ALG13: variants seen among roughly 807,000 people sequenced by gnomAD.
The protein encoded by ALG13 is UDP-N-acetylglucosamine transferase subunit ALG13.
A neutral mutation model predicts 87.8 loss-of-function variants in ALG13; 11 were observed. The observed-to-expected ratio is 0.13, with a 90% CI of 0.08 to 0.21. The LOEUF (loss-of-function observed/expected upper bound fraction) is 0.21, where lower values mean the gene tolerates loss of function less well. Ranked by LOEUF, ALG13 falls within the 10% of genes least tolerant of loss-of-function variation. The pLI is 1.00. For synonymous variants in ALG13, 320 were observed against 306.3 expected (o/e 1.04, Z -0.47); for missense variants, 756 against 866.1 (o/e 0.87, Z 1.60).
chrX:111,746,702 G>A (rs1255244146), intron 24 of ALG13, among the ~76,000 whole-genome samples: 1 of 112,050 alleles, frequency 8.9e-6, no homozygotes, highest in Non-Finnish European at 1.9e-5. Context: ...CAAATACCTA[G>A]CAGTGGAATT....
intron 23 of ALG13, among the ~76,000 whole-genome samples, chrX:111,741,701 T>G (rs2148375685): frequency 9.1e-6 from 1 of 109,737 alleles, no homozygotes. Context: ...TAATCCCAGC[T>G]ACTCTGGAGG....
At position 111,760,212 on chromosome X, in the gene ALG13, A is replaced by G. The variant is rs1487360888; in HGVS notation, c.*213A>G. ...CTAAGGAAATTGAGATGGATGTACAACTAGCCCCATATTGAGCATACTTCA... is the reference window on the plus strand; with the variant it reads ...CTAAGGAAATTGAGATGGATGTACAGCTAGCCCCATATTGAGCATACTTCA... On this transcript the variant is annotated 3_prime_UTR_variant, in exon 27 of 27. Transcript: ENST00000394780. 2 of 415,683 alleles carry G rather than the reference A, an allele frequency of 4.8e-6. No individual in the cohort carries two copies. The highest frequency in any genetic ancestry group is 4.1e-5 in the East Asian group (1 of 24,662). The allele number at this position is 415,683 out of a possible 1,213,427, so 34.3% of individuals were successfully genotyped here. A position where few individuals can be genotyped will look rare whatever the true frequency, so the allele number is the denominator to read the frequency against.
intron 23 of ALG13, chrX:111,743,853 A>G (rs935863937): frequency 6.3e-5 from 7 of 111,152 alleles, no homozygotes; most frequent in African/African-American, 2.3e-4. Flanking sequence ...CTTGGATTTA[A>G]GCTGGCTAAA....
chrX:111,710,098 C>G (rs1003070567), intron 5 of ALG13, among the ~76,000 whole-genome samples: 15 of 108,791 alleles, frequency 1.4e-4, no homozygotes, highest in Non-Finnish European at 1.9e-4. Context: ...GGCAGGATCA[C>G]GGCTCGCTGC....
At position 111,711,713 on chromosome X, in the gene ALG13, G is replaced by A; in HGVS notation, c.873G>A (p.Leu291=). 1 of 1,207,222 alleles carries A rather than the reference G, an allele frequency of 8.3e-7. No individual in the cohort carries two copies. The highest frequency in any genetic ancestry group is 1.1e-6 in the Non-Finnish European group (1 of 892,650). ...CTTTTGAGAAATACCTGGAACGGTT[G>A]GGAGATCCCAAGGTAAGATCAAATA... ...EGSFEKYLER[L]GDPKESAGQL... The change falls in exon 6 of 27, where the codon TTG becomes TTA. Residue 291 remains leucine (L), a synonymous_variant. Transcript: ENST00000394780.
intron 5 of ALG13, among the ~76,000 whole-genome samples, chrX:111,709,393 C>T (rs958284452): frequency 2.7e-5 from 3 of 112,356 alleles, no homozygotes; most frequent in African/African-American, 9.7e-5. Context: ...AAAGGTTTGG[C>T]TCTGTTAATA....
chrX:111,722,362 A>G (rs1602716847), intron 12 of ALG13, among the ~76,000 whole-genome samples: 2 of 111,826 alleles, frequency 1.8e-5, no homozygotes. Context: ...TTTGCCTTCA[A>G]GATAAGCCTT....
rs1942569970 is a variant in ALG13, at chrX:111,730,537, A to G, written c.2414A>G (p.Glu805Gly). Reference sequence around the variant, plus strand: ...CTATATTCTCTAGAGCCAGACTATGAAACTTCAGGTGTTTATAGCACAACT... The same window carrying G: ...CTATATTCTCTAGAGCCAGACTATGGAACTTCAGGTGTTTATAGCACAACT... The part of the protein sequence containing the change: ...EYLYRAEPDY[E>G]TSGVYSTTAS... The change falls in exon 21 of 27, where the codon GAA (glutamate) becomes GGA (glycine). Residue 805 changes from glutamate (E) to glycine (G), a missense_variant. Coordinates refer to ENST00000394780, the MANE Select transcript of ALG13 (RefSeq NM_001099922.3). 1 of 1,194,227 alleles carries G rather than the reference A, an allele frequency of 8.4e-7. No individual in the cohort carries two copies. Among genetic ancestry groups the G allele is most frequent in the East Asian group, 3.0e-5 (1 of 33,384 alleles).
At chrX:111,749,657 A>G (rs1253865977) in intron 24 of ALG13, among the ~76,000 whole-genome samples, 1 of 109,288 alleles carries the variant, frequency 9.2e-6, no homozygotes, top group Non-Finnish European at 1.9e-5. Context: ...TTGGTTTCTC[A>G]ACTTTTTTTT....
rs1035520923 is a variant in ALG13 at position 111,681,559 on chromosome X, C to T, written c.81+260C>T. ...CTCCCTCATTTCTTCAGCTCCTTTT[C>T]CGGTCTGCCCCCGCGCTCTATTCTC... On this transcript the variant is annotated intron_variant, in intron 1 of 26. Transcript: ENST00000394780. 1.6e-5 allele frequency: 15 copies of T among 955,646 alleles called. No individual in the cohort carries two copies. In the African/African-American group the frequency reaches 2.8e-4, roughly 18 times the overall value. The allele number at this position is 955,646 out of a possible 1,213,427, so 78.8% of individuals were successfully genotyped here. A position where few individuals can be genotyped will look rare whatever the true frequency, so the allele number is the denominator to read the frequency against.
At chrX:111,690,107 G>A in intron 3 of ALG13, 1 of 748,866 alleles carries the variant, frequency 1.3e-6, no homozygotes, top group South Asian at 6.8e-5. Flanking sequence ...TACAGATGAG[G>A]AAACATGCTA....
At chrX:111,696,914 C>T (rs1335083263) in intron 3 of ALG13, among the ~76,000 whole-genome samples, 1 of 107,624 alleles carries the variant, frequency 9.3e-6, no homozygotes, top group Non-Finnish European at 1.9e-5. Context: ...GATGGGGAAA[C>T]AGGATATGGA....
intron 26 of ALG13, 27 bp from the exon 27 acceptor site, chrX:111,759,702 ATAAAG>A (rs776221109): frequency 1.7e-6 from 2 of 1,156,184 alleles, no homozygotes; most frequent in South Asian, 3.9e-5. Context: ...ATTTTTGTAT[ATAAAG>A]TAGACTGTAT....
At chrX:111,714,347 C>A (rs1395174422) in intron 8 of ALG13, 2 of 109,348 alleles carry the variant, frequency 1.8e-5, no homozygotes, top group African/African-American at 6.6e-5. Flanking sequence ...GGGAAAAAGC[C>A]CTTCTTTCTG....
chrX:111,743,114 G>T (rs1943908402), intron 23 of ALG13, among the ~76,000 whole-genome samples: 1 of 111,791 alleles, frequency 8.9e-6, no homozygotes, highest in South Asian at 3.7e-4. Context: ...CCGTGAGAAT[G>T]TATTTAGCCA....
At chrX:111,746,514 A>G (rs905435986) in intron 24 of ALG13, among the ~76,000 whole-genome samples, 1 of 111,934 alleles carries the variant, frequency 8.9e-6, no homozygotes, top group African/African-American at 3.3e-5. Flanking sequence ...ATTTGTTTTC[A>G]TGGCCGAGTA....
chrX:111,691,814 A>ATAGAATCCATGTG lies in ALG13; in HGVS notation c.383+6725_383+6737dup, dbSNP rs1317104738. Among the ~76,000 whole-genome samples the ATAGAATCCATGTG allele has an allele frequency of 5.6e-4, 63 of 112,865 alleles. 1 individual carries two copies. Among genetic ancestry groups the ATAGAATCCATGTG allele is most frequent in the African/African-American group, 1.8e-3 (57 of 31,113 alleles). On this transcript the variant is annotated intron_variant, in intron 3 of 26. Coordinates refer to ENST00000394780, the MANE Select transcript of ALG13 (RefSeq NM_001099922.3). ...TAAAAAACCACAGTGATGGCTACTC[A>ATAGAATCCATGTG]TAGAATCCATGTGTAGAATCCATGT...
intron 3 of ALG13, among the ~76,000 whole-genome samples, chrX:111,687,635 A>G (rs1408972033): frequency 8.9e-6 from 1 of 112,534 alleles, no homozygotes. Context: ...TTCATGAAAT[A>G]TCATTTCTGA....
intron 23 of ALG13, among the ~76,000 whole-genome samples, chrX:111,742,358 CTG>C (rs1943826187): frequency 9.1e-6 from 1 of 109,442 alleles, no homozygotes; most frequent in African/African-American, 3.3e-5. Flanking sequence ...ACTTCAAACT[CTG>C]GGTTTCAGTA....
Sources: allele counts gnomAD v4.1 joint callset (sites outside exome capture counted in the v4.1 genomes callset), GRCh38; gene constraint gnomAD v4.1.1; transcripts MANE v1.5; gene names NCBI Gene and HGNC (gene_info 2026-07-23, HGNC 2026-07-21).